The following PCDHA1 variants were observed in gnomAD, a reference collection of about 807,000 sequenced individuals.
PCDHA1 encodes the protein protocadherin alpha-1.
A neutral mutation model predicts 61.3 loss-of-function variants in PCDHA1; 42 were observed. That is an observed-to-expected ratio of 0.69 (90% CI 0.54 to 0.89). PCDHA1 has a LOEUF of 0.89. Ranked by LOEUF, PCDHA1 falls within the 40% of genes least tolerant of loss-of-function variation. The pLI is 0.00. For synonymous variants in PCDHA1, 610 were observed against 553.8 expected (o/e 1.10, Z -1.43); for missense variants, 1,256 against 1,235.3 (o/e 1.02, Z -0.25).
At position 140,971,106 on chromosome 5, in the gene PCDHA1, G is replaced by T. The variant is rs529915701; in HGVS notation, c.2395-7843G>T. Among the ~76,000 whole-genome samples, 46 of 152,304 alleles carry T rather than the reference G, an allele frequency of 3.0e-4. No homozygotes were observed. In the South Asian group the frequency reaches 4.1e-3, roughly 14 times the overall value. ...AACAAATTCTTGTGAAGCCCTTTGG[G>T]ATTGGGGTGGGCTACAGGTGGTGAA... is the stretch of plus-strand genomic sequence containing the variant. On this transcript the variant is annotated intron_variant, in intron 1 of 3. Transcript: ENST00000504120.
rs2150362585 is a variant in PCDHA1 at position 140,843,552 on chromosome 5, C to T, written c.2394+54868C>T. On this transcript the variant is annotated intron_variant, in intron 1 of 3. Transcript: ENST00000504120. ...AAGCCCACTCTGGTGTGCTCCAGTG[C>T]GGTGGGGAGCTGGTCATACTCGCAA... 5.0e-6 allele frequency: 8 copies of T among 1,595,800 alleles called. 2 individuals carry two copies. The highest frequency in any genetic ancestry group is 1.1e-5 in the South Asian group (1 of 90,490).
rs1447646142 is a variant in PCDHA1 at position 140,795,922 on chromosome 5, G to A, written c.2394+7238G>A. On this transcript the variant is annotated intron_variant, in intron 1 of 3. Coordinates refer to ENST00000504120, the MANE Select transcript of PCDHA1 (RefSeq NM_018900.4). The stretch of plus-strand genomic sequence containing the variant: ...AGAAGCAAAGTCCTACGAGATTCAG[G>A]TCACTGCAACTGACAAAGGAACCCC... 19 of 1,613,806 alleles carry A rather than the reference G, an allele frequency of 1.2e-5. No individual in the cohort carries two copies. The South Asian group carries it at 1.8e-4, about 15-fold the overall frequency.
chr5:140,847,780 T>C (rs1554141908), intron 1 of PCDHA1: 1 of 149,906 alleles, frequency 6.7e-6, no homozygotes, highest in Non-Finnish European at 1.5e-5. Context: ...TTCTCGCTTT[T>C]CTTGCAATAT....
chr5:140,882,226 G>C (rs778262653), intron 1 of PCDHA1: 257 of 1,564,032 alleles, frequency 1.6e-4, no homozygotes, highest in Non-Finnish European at 3.8e-5. Flanking sequence ...GAGGTAAGGC[G>C]TTGTATATAT....
chr5:140,887,540 C>T (rs1039020160), intron 1 of PCDHA1, among the ~76,000 whole-genome samples: 1 of 152,100 alleles, frequency 6.6e-6, no homozygotes. Flanking sequence ...CTCTCCCCAC[C>T]CCTCATGGTT....
At chr5:140,885,157 C>G (rs2060491561) in intron 1 of PCDHA1, among the ~76,000 whole-genome samples, 1 of 151,962 alleles carries the variant, frequency 6.6e-6, no homozygotes, top group African/African-American at 2.4e-5. Context: ...TTGATTGTCT[C>G]TACTTTTTTG....
At chr5:141,003,039 T>C (rs2098108520) in intron 3 of PCDHA1, among the ~76,000 whole-genome samples, 1 of 152,216 alleles carries the variant, frequency 6.6e-6, no homozygotes, top group Admixed American at 6.5e-5. Flanking sequence ...AAAGCCCTCC[T>C]GGCCTTAACA....
chr5:140,795,981 A>G (rs1431073742), intron 1 of PCDHA1: 1 of 1,613,984 alleles, frequency 6.2e-7, no homozygotes, highest in Non-Finnish European at 8.5e-7. Context: ...TTTCATTAAA[A>G]CTTGTGGACA....
intron 1 of PCDHA1, chr5:140,835,532 A>G (rs2150237732): frequency 2.1e-5 from 34 of 1,613,822 alleles, no homozygotes; most frequent in Admixed American, 3.3e-5. Context: ...GAGTCAACGG[A>G]CAGGTTACCT....
intron 3 of PCDHA1, among the ~76,000 whole-genome samples, chr5:141,005,656 C>T (rs1004583867): frequency 1.5e-4 from 20 of 136,082 alleles, no homozygotes; most frequent in Non-Finnish European, 2.5e-4. Context: ...GAGTCGAGAT[C>T]GCGCCACTGC....
intron 1 of PCDHA1, among the ~76,000 whole-genome samples, chr5:140,886,084 G>C (rs1554182347): frequency 6.6e-6 from 1 of 152,140 alleles, no homozygotes; most frequent in East Asian, 1.9e-4. Flanking sequence ...CCACAACCTG[G>C]ATATTGACAT....
intron 3 of PCDHA1, among the ~76,000 whole-genome samples, chr5:141,006,540 A>T (rs868906531): frequency 1.6e-4 from 25 of 152,182 alleles, no homozygotes; most frequent in Admixed American, 3.3e-4. Context: ...AAAGAGAGAC[A>T]TTAAGAAATA....
At chr5:140,925,189 C>A (rs1488098385) in intron 1 of PCDHA1, among the ~76,000 whole-genome samples, 2 of 152,116 alleles carry the variant, frequency 1.3e-5, no homozygotes, top group African/African-American at 4.8e-5. Flanking sequence ...TACCATCACC[C>A]AGCTTCAATA....
At chr5:140,869,418 C>T in intron 1 of PCDHA1, 2 of 1,614,174 alleles carry the variant, frequency 1.2e-6, no homozygotes, top group Middle Eastern at 1.6e-4. Context: ...GCAGCATCCA[C>T]CTGGAGGTGA....
intron 1 of PCDHA1, among the ~76,000 whole-genome samples, chr5:140,945,334 A>G (rs1352254498): frequency 6.6e-6 from 1 of 152,134 alleles, no homozygotes; most frequent in Non-Finnish European, 1.5e-5. Flanking sequence ...TTTTATGTTC[A>G]TAGCTTGGAA....
chr5:140,914,915 T>G (rs1037949691), intron 1 of PCDHA1, among the ~76,000 whole-genome samples: 8 of 151,746 alleles, frequency 5.3e-5, no homozygotes, highest in Non-Finnish European at 1.0e-4. Context: ...TTTCTCTGTG[T>G]CTTATTGTAC....
At chr5:140,891,698 T>C (rs2063212804) in intron 1 of PCDHA1, among the ~76,000 whole-genome samples, 1 of 152,258 alleles carries the variant, frequency 6.6e-6, no homozygotes, top group Non-Finnish European at 1.5e-5. Context: ...TGCTGTTGTC[T>C]GAATTTGTAC....
intron 3 of PCDHA1, among the ~76,000 whole-genome samples, chr5:141,000,481 G>A (rs1475922134): frequency 1.5e-5 from 2 of 133,428 alleles, no homozygotes; most frequent in African/African-American, 2.8e-5. Context: ...AAGCTGGAGT[G>A]CAATGGTAAG....
Position 140,807,801 on chromosome 5 carries a change from C to T in PCDHA1, c.2394+19117C>T, listed in dbSNP as rs782056776. The T allele has an allele frequency of 6.2e-6, 10 of 1,614,018 alleles. No individual in the cohort carries two copies. The Admixed American group carries it at 1.5e-4, about 24-fold the overall frequency. ...CGGAAATCTTTAGACAGAGAAGAAG[C>T]TCCGGAGATTTTTTTAGTGCTCACA... On this transcript the variant is annotated intron_variant, in intron 1 of 3. Transcript: ENST00000504120.
Sources: gnomAD v4.1 joint callset for allele counts (sites outside exome capture counted in the v4.1 genomes callset) on GRCh38, gnomAD v4.1.1 for gene constraint, MANE v1.5 for transcripts, NCBI Gene and HGNC (gene_info 2026-07-23, HGNC 2026-07-21) for gene names.